The following CD55 variants were observed in gnomAD, a reference collection of about 807,000 sequenced individuals.
The protein encoded by CD55 is complement decay-accelerating factor.
A neutral mutation model predicts 45.8 loss-of-function variants in CD55; 41 were observed. The observed-to-expected ratio is 0.90, with a 90% CI of 0.70 to 1.16. The LOEUF (loss-of-function observed/expected upper bound fraction) is 1.16. CD55 is among the 50% of genes most tolerant of loss of function. The pLI, the probability that CD55 is intolerant of heterozygous loss-of-function variation, is 0.00. For synonymous variants in CD55, 181 were observed against 181.1 expected (o/e 1.00, Z 0.01); for missense variants, 416 against 469.8 (o/e 0.89, Z 1.06).
In CD55 at chr1:207,343,256, A is replaced by G. The variant is rs554438067; in HGVS notation, c.1081+3839A>G. 1.7e-4 allele frequency among the ~76,000 whole-genome samples: 26 copies of G among 152,004 alleles called. No homozygotes were observed. The South Asian group carries it at 5.4e-3, about 32-fold the overall frequency. The stretch of plus-strand genomic sequence containing the variant: ...TTGTTCTTCCTTCTCTAGTTCCTTA[A>G]GATGCATTGTTAGATTGTTTATTTG... On this transcript the variant is annotated intron_variant, in intron 9 of 9. Coordinates refer to ENST00000367064, the MANE Select transcript of CD55 (RefSeq NM_000574.5).
Position 207,326,838 on chromosome 1 carries a change from G to GT in CD55, c.664+2dup. ...AGTGACCCGTTGCCAGAGTGCAGAG[G>GT]TAAGAGTTAAAAAATCTAAGCACTC... On this transcript the variant is annotated splice_donor_variant, in intron 5 of 9. Transcript: ENST00000367064. LOFTEE classifies it high-confidence loss of function. 6.2e-7 allele frequency: 1 copy of GT among 1,608,550 alleles called. No individual in the cohort carries two copies. The highest frequency in any genetic ancestry group is 1.3e-5 in the African/African-American group (1 of 74,850).
At chr1:207,323,042 G>A (rs1654496544) in intron 2 of CD55, among the ~76,000 whole-genome samples, 1 of 152,054 alleles carries the variant, frequency 6.6e-6, no homozygotes, top group African/African-American at 2.4e-5. Context: ...AGTGTGTCAT[G>A]ATCAATCAGG....
At chr1:207,358,351 T>C (rs1341442785) in intron 9 of CD55, among the ~76,000 whole-genome samples, 1 of 152,238 alleles carries the variant, frequency 6.6e-6, no homozygotes, top group Non-Finnish European at 1.5e-5. Flanking sequence ...TGATTCTTCA[T>C]GTTTGCCTAT....
intron 9 of CD55, among the ~76,000 whole-genome samples, chr1:207,346,710 C>T (rs1051665823): frequency 1.3e-5 from 2 of 152,170 alleles, no homozygotes; most frequent in African/African-American, 4.8e-5. Flanking sequence ...TTGGCTTAGG[C>T]AACAGTGGCC....
intron 6 of CD55, among the ~76,000 whole-genome samples, chr1:207,335,963 CACTAAT>C (rs1315136194): frequency 3.9e-5 from 6 of 152,230 alleles, no homozygotes; most frequent in African/African-American, 1.2e-4. Flanking sequence ...TGCTAGAGCT[CACTAAT>C]ACGTGGTGAA....
chr1:207,348,889 T>C (rs184338412), intron 9 of CD55, among the ~76,000 whole-genome samples: 2 of 152,350 alleles, frequency 1.3e-5, no homozygotes, highest in East Asian at 3.9e-4. Context: ...TGTGGCTTTA[T>C]ATCTGGGTTT....
chr1:207,329,364 G>A (rs958030832), intron 5 of CD55, among the ~76,000 whole-genome samples: 2 of 152,178 alleles, frequency 1.3e-5, no homozygotes, highest in African/African-American at 4.8e-5. Context: ...ATGGCCTCCT[G>A]CCTCCATTCT....
intron 9 of CD55, among the ~76,000 whole-genome samples, chr1:207,340,067 C>T (rs1253873562): frequency 6.6e-6 from 1 of 152,166 alleles, no homozygotes; most frequent in Non-Finnish European, 1.5e-5. Context: ...TGTAATCCTT[C>T]TATCTAATTG....
At chr1:207,334,582 G>T (rs968034929) in intron 6 of CD55, among the ~76,000 whole-genome samples, 1 of 152,080 alleles carries the variant, frequency 6.6e-6, no homozygotes, top group Non-Finnish European at 1.5e-5. Context: ...TCATTTAAAG[G>T]TTACACAGTT....
chr1:207,324,519 ATAC>A lies in CD55; in HGVS notation c.287-36_287-34del, dbSNP rs1558142137. On this transcript the variant is annotated intron_variant, in intron 2 of 9. Transcript: ENST00000367064. ...AATATAGATTATAAAACAAAAATTG[ATAC>A]TACATTTTTTGTTGCTGCTTTTGTT... 16 of 1,404,806 alleles carry A rather than the reference ATAC, an allele frequency of 1.1e-5. No homozygotes were observed. In the East Asian group the frequency reaches 3.3e-4, roughly 29 times the overall value. The allele number at this position is 1,404,806 out of a possible 1,614,324, so 87.0% of individuals were successfully genotyped here.
At chr1:207,351,001 C>A (rs1655847291) in intron 9 of CD55, among the ~76,000 whole-genome samples, 1 of 152,066 alleles carries the variant, frequency 6.6e-6, no homozygotes. Context: ...TACAAACTTT[C>A]CTCTTGACAT....
intron 8 of CD55, 24 bp from the exon 9 acceptor site, chr1:207,339,373 C>A: frequency 6.3e-7 from 1 of 1,596,578 alleles, no homozygotes. Flanking sequence ...TGTTGTTAAT[C>A]CTTTTTTTCC....
chr1:207,343,179 G>T (rs1655502076), intron 9 of CD55, among the ~76,000 whole-genome samples: 1 of 151,690 alleles, frequency 6.6e-6, no homozygotes, highest in Admixed American at 6.6e-5. Flanking sequence ...ATTTTGTTTA[G>T]CTCTGCTCTG....
chr1:207,335,860 CT>C (rs926463948), intron 6 of CD55, among the ~76,000 whole-genome samples: 4 of 152,114 alleles, frequency 2.6e-5, no homozygotes, highest in African/African-American at 9.7e-5. Flanking sequence ...AATTATTTCC[CT>C]TAATCCTTCC....
chr1:207,342,366 CT>C (rs534751715), intron 9 of CD55, among the ~76,000 whole-genome samples: 26 of 152,114 alleles, frequency 1.7e-4, no homozygotes, highest in Non-Finnish European at 2.9e-4. Flanking sequence ...AGTAGACATC[CT>C]TCTCTTGATC....
At chr1:207,336,971 G>A (rs1199210991) in intron 7 of CD55, 153 bp downstream of exon 7, 2 of 839,868 alleles carry the variant, frequency 2.4e-6, no homozygotes, top group Non-Finnish European at 3.8e-6. Flanking sequence ...AAATGTTCCA[G>A]CTACAGGAGT....
chr1:207,336,078 G>C (rs183360050), intron 6 of CD55, among the ~76,000 whole-genome samples: 14 of 152,238 alleles, frequency 9.2e-5, no homozygotes, highest in Admixed American at 7.9e-4. Context: ...TTGCTCTGCT[G>C]TTAGATTTAT....
chr1:207,344,069 A>G (rs886480433), intron 9 of CD55, among the ~76,000 whole-genome samples: 1 of 152,208 alleles, frequency 6.6e-6, no homozygotes, highest in East Asian at 1.9e-4. Context: ...GATGAGATGA[A>G]TTTCTTGAAA....
intron 2 of CD55, among the ~76,000 whole-genome samples, chr1:207,323,272 GATAT>G (rs138428487): frequency 6.7e-6 from 1 of 150,160 alleles, no homozygotes; most frequent in East Asian, 1.9e-4. Flanking sequence ...TATATAGGGA[GATAT>G]ATATATATAG....
Sources: allele counts gnomAD v4.1 joint callset (sites outside exome capture counted in the v4.1 genomes callset), GRCh38; gene constraint gnomAD v4.1.1; transcripts MANE v1.5; gene names NCBI Gene and HGNC (gene_info 2026-07-23, HGNC 2026-07-21).